GNB4: variants seen among roughly 807,000 people sequenced by gnomAD.
GNB4 encodes the protein guanine nucleotide-binding protein subunit beta-4.
Under a neutral mutation model 45.2 loss-of-function variants are expected in GNB4, and 28 were observed. The observed-to-expected ratio is 0.62, with a 90% CI of 0.46 to 0.85. The LOEUF is 0.85. Ranked by LOEUF, GNB4 falls within the 40% of genes least tolerant of loss-of-function variation. The probability of loss-of-function intolerance (pLI) is 0.00; values close to 1 mark genes in which losing one functional copy is unlikely to be tolerated. For synonymous variants in GNB4, 132 were observed against 143.7 expected (o/e 0.92, Z 0.58); for missense variants, 321 against 425.4 (o/e 0.75, Z 2.16).
rs146580885 is a variant in GNB4 at position 179,425,179 on chromosome 3, A to G, written c.57+965T>C. On this transcript the variant is annotated intron_variant, in intron 2 of 9. Transcript: ENST00000232564. ...CATTTTTAGCTCTGCCTTCCTTGAT[A>G]TTTCTCAGTGCTAATGAAGTCCAAG... Among the ~76,000 whole-genome samples the G allele has an allele frequency of 3.3e-5, 5 of 152,220 alleles. No homozygotes were observed. The East Asian group carries it at 9.6e-4, about 29-fold the overall frequency.
At chr3:179,498,707 A>G in the GNB4 span, among the ~76,000 whole-genome samples, 1 of 149,456 alleles carries the variant, frequency 6.7e-6, no homozygotes, top group Non-Finnish European at 1.5e-5. Context: ...TGCTGGGATT[A>G]CAGGCGTGAG....
the GNB4 span, among the ~76,000 whole-genome samples, chr3:179,525,779 CGA>C: frequency 6.6e-6 from 1 of 152,114 alleles, no homozygotes; most frequent in Non-Finnish European, 1.5e-5. Context: ...TGAAGGGTAG[CGA>C]GAGAGGCTGG....
rs898169141 is a variant in GNB4, at chr3:179,396,546, G to T, written c.*4667C>A. The T allele has an allele frequency of 1.3e-5, 2 of 152,132 alleles. No homozygotes were observed. The highest frequency in any genetic ancestry group is 4.8e-5 in the African/African-American group (2 of 41,422). 9.4% of individuals were successfully genotyped at this position (152,132 alleles called of 1,614,324 possible). A position where few individuals can be genotyped will look rare whatever the true frequency, so the allele number is the denominator to read the frequency against. ...ATATCACTGAAGTTCTATTAATTAA[G>T]AAATAAATACTGTATGATGTAAGAT... On this transcript the variant is annotated 3_prime_UTR_variant, in exon 10 of 10. Transcript: ENST00000232564.
intron 1 of GNB4, among the ~76,000 whole-genome samples, chr3:179,426,994 C>G (rs1715164968): frequency 6.6e-6 from 1 of 152,086 alleles, no homozygotes; most frequent in African/African-American, 2.4e-5. Context: ...ACACCCCCCT[C>G]TGACCTCATG....
Position 179,420,589 on chromosome 3 carries a change from A to T in GNB4, c.96+300T>A, listed in dbSNP as rs539333368. ...GTAATTCTCCTGCCTCAACCTCCCG[A>T]CTAGCTGGGATTATGCCCAGCTAAT... On this transcript the variant is annotated intron_variant, in intron 3 of 9. Coordinates refer to ENST00000232564, the MANE Select transcript of GNB4 (RefSeq NM_021629.4). 5.3e-5 allele frequency among the ~76,000 whole-genome samples: 8 copies of T among 151,772 alleles called. No homozygotes were observed. The South Asian group carries it at 1.7e-3, about 32-fold the overall frequency.
intron 2 of GNB4, among the ~76,000 whole-genome samples, chr3:179,425,117 G>A (rs1299292798): frequency 2.6e-5 from 4 of 152,100 alleles, no homozygotes; most frequent in African/African-American, 9.7e-5. Context: ...CCTGCTTACC[G>A]CCAGGCTTCC....
intron 3 of GNB4, 151 bp downstream of exon 3, chr3:179,420,738 A>G (rs1714955083): frequency 1.5e-6 from 1 of 652,046 alleles, no homozygotes; most frequent in Non-Finnish European, 2.7e-6. Context: ...CGCACTGTAT[A>G]GCATTTGACA....
intron 1 of GNB4, among the ~76,000 whole-genome samples, chr3:179,438,975 A>G (rs1165529661): frequency 9.9e-5 from 15 of 152,164 alleles, no homozygotes; most frequent in Admixed American, 8.5e-4. Flanking sequence ...AGGGTTGATA[A>G]CCACTAATTT....
At chr3:179,489,421 A>G in the GNB4 span, among the ~76,000 whole-genome samples, 1 of 151,894 alleles carries the variant, frequency 6.6e-6, no homozygotes, top group Non-Finnish European at 1.5e-5. Flanking sequence ...GATTGTTTGA[A>G]GCCAGGGGAG....
chr3:179,447,397 C>G (rs116441555), intron 1 of GNB4, among the ~76,000 whole-genome samples: 2,575 of 150,666 alleles, frequency 0.017, 76 homozygotes, highest in African/African-American at 0.06. Context: ...GGGTCTCACT[C>G]TATTGCCCAG....
In GNB4 at chr3:179,405,350, G is replaced by A. The variant is rs371587505; in HGVS notation, c.756C>T (p.Leu252=). The change falls in exon 9 of 10, where the codon CTC becomes CTT. Residue 252 remains leucine (L), a synonymous_variant. Coordinates refer to ENST00000232564, the MANE Select transcript of GNB4 (RefSeq NM_021629.4). The stretch of plus-strand genomic sequence containing the variant: ...ACTCTTGATCTGCACGAAGGTCAAA[G>A]AGCCGGCAAGTGGCATCATCAGAGC... The part of the protein sequence containing the change: ...ATGSDDATCR[L]FDLRADQELL... 6.2e-7 allele frequency: 1 copy of A among 1,613,920 alleles called. No homozygotes were observed. The highest frequency in any genetic ancestry group is 1.3e-5 in the African/African-American group (1 of 74,938).
chr3:179,447,839 T>C (rs777884545), intron 1 of GNB4, among the ~76,000 whole-genome samples: 10 of 152,240 alleles, frequency 6.6e-5, no homozygotes, highest in Admixed American at 5.9e-4. Context: ...GGAATTAGAA[T>C]TTTTAGCCTC....
chr3:179,408,955 G>A (rs1463979272), intron 8 of GNB4, among the ~76,000 whole-genome samples: 1 of 151,438 alleles, frequency 6.6e-6, no homozygotes, highest in Non-Finnish European at 1.5e-5. Flanking sequence ...AGACCAGCCT[G>A]GGCAACATGG....
the GNB4 span, among the ~76,000 whole-genome samples, chr3:179,523,442 G>C: frequency 6.6e-6 from 1 of 152,146 alleles, no homozygotes; most frequent in African/African-American, 2.4e-5. Context: ...GAGGGATTGT[G>C]GAGGGAGGTA....
At chr3:179,414,569 G>A (rs929056499) in intron 6 of GNB4, among the ~76,000 whole-genome samples, 1 of 152,154 alleles carries the variant, frequency 6.6e-6, no homozygotes, top group Non-Finnish European at 1.5e-5. Context: ...GAGTACAGAT[G>A]CCACAATCCC....
rs561721397 is a variant in GNB4, at chr3:179,444,058, C to CG, written c.-43+7287dup. Among the ~76,000 whole-genome samples the CG allele has an allele frequency of 3.9e-3, 590 of 152,292 alleles. 3 individuals carry two copies. The Middle Eastern group carries it at 0.054, about 14-fold the overall frequency. On this transcript the variant is annotated intron_variant, in intron 1 of 9. Transcript: ENST00000232564. Reference sequence around the variant, plus strand: ...GCCTTAAGGGAACACACAATCCCCCCGATTCTTCAGCATCCTCTCATAATC... The same window carrying CG: ...GCCTTAAGGGAACACACAATCCCCCCGGATTCTTCAGCATCCTCTCATAATC...
At chr3:179,491,624 C>T in the GNB4 span, among the ~76,000 whole-genome samples, 2 of 152,180 alleles carry the variant, frequency 1.3e-5, no homozygotes, top group African/African-American at 4.8e-5. Context: ...AAGCTTTCTC[C>T]TCCACCATTT....
chr3:179,501,311 T>G, the GNB4 span, among the ~76,000 whole-genome samples: 18 of 151,568 alleles, frequency 1.2e-4, no homozygotes, highest in Admixed American at 1.2e-3. Context: ...TTTTTTTTTT[T>G]TTTTTGAGAC....
chr3:179,504,063 T>A, the GNB4 span, among the ~76,000 whole-genome samples: 2 of 152,196 alleles, frequency 1.3e-5, no homozygotes, highest in Non-Finnish European at 2.9e-5. Flanking sequence ...AGTGGGACAG[T>A]CAAGTTTTTA....
Sources: allele counts gnomAD v4.1 joint callset (sites outside exome capture counted in the v4.1 genomes callset), GRCh38; gene constraint gnomAD v4.1.1; transcripts MANE v1.5; gene names NCBI Gene and HGNC (gene_info 2026-07-23, HGNC 2026-07-21).